MYCBP2: variants seen among roughly 807,000 people sequenced by gnomAD.
MYCBP2 encodes MYC binding protein 2, also known as E3 ubiquitin-protein ligase MYCBP2.
In MYCBP2, 120 loss-of-function variants were observed where a neutral mutation model predicts 525.3. That is an observed-to-expected ratio of 0.23 (90% confidence interval 0.20 to 0.27). MYCBP2 has a LOEUF of 0.27. Among genes scored for constraint, MYCBP2 ranks in the 10% least tolerant of loss-of-function variants. The pLI is 1.00. For missense variants in MYCBP2, 4,149 were observed against 5,657.1 expected, an observed-to-expected ratio of 0.73 and a Z score of 8.55; for synonymous variants, 1,894 against 1,955.8, an observed-to-expected ratio of 0.97 and a Z score of 0.83.
intron 26 of MYCBP2, among the ~76,000 whole-genome samples, chr13:77,197,973 A>T (rs766344949): frequency 4.6e-5 from 7 of 152,212 alleles, no homozygotes; most frequent in Admixed American, 2.6e-4. Flanking sequence ...TATATACTAC[A>T]GTGTTTGAAG....
At chr13:77,301,921 G>A (rs903409467) in intron 1 of MYCBP2, among the ~76,000 whole-genome samples, 1 of 152,114 alleles carries the variant, frequency 6.6e-6, no homozygotes, top group Non-Finnish European at 1.5e-5. Context: ...CTTCTCATAT[G>A]ATTTTAAAAG....
chr13:77,286,995 C>T (rs1227440680), intron 3 of MYCBP2, among the ~76,000 whole-genome samples: 1 of 148,356 alleles, frequency 6.7e-6, no homozygotes, highest in African/African-American at 2.5e-5. Flanking sequence ...CGCCATTCTC[C>T]TGCCTCAGCC....
intron 28 of MYCBP2, 54 bp downstream of exon 28, chr13:77,191,625 T>C: frequency 6.3e-7 from 1 of 1,584,810 alleles, no homozygotes; most frequent in Non-Finnish European, 8.6e-7. Context: ...TTCAAAACAA[T>C]ATTCCTCTAA....
intron 14 of MYCBP2, 137 bp downstream of exon 14, chr13:77,257,534 T>TA (rs1424685893): frequency 3.8e-5 from 34 of 893,636 alleles, no homozygotes; most frequent in African/African-American, 7.0e-5. Flanking sequence ...ATAAAATTTT[T>TA]AAAAAAAATT....
chr13:77,059,638 C>A lies in MYCBP2; in HGVS notation c.13037-12G>T, dbSNP rs2038906513. 6.2e-7 allele frequency: 1 copy of A among 1,602,298 alleles called. No homozygotes were observed. Among genetic ancestry groups the A allele is most frequent in the Non-Finnish European group, 8.5e-7 (1 of 1,169,930 alleles). ...CGTGGTGGGTTTGCCTAGGTTCAAG[C>A]AGAAAAATAAAAATCCTTCTTATGG... On this transcript the variant is annotated splice_polypyrimidine_tract_variant and intron_variant, in intron 76 of 82. Transcript: ENST00000544440.
In MYCBP2 at chr13:77,106,428, T is replaced by C. The variant is rs540867111; in HGVS notation, c.8141-7415A>G. ...GTTCAAAGAATTGTAAACAGGCTATTCAGAAGGACAATATACTGGAAATAC... is the reference window on the plus strand; with the variant it reads ...GTTCAAAGAATTGTAAACAGGCTATCCAGAAGGACAATATACTGGAAATAC... On this transcript the variant is annotated intron_variant, in intron 55 of 82. Transcript: ENST00000544440. Among the ~76,000 whole-genome samples, 4 of 152,262 alleles carry C rather than the reference T, an allele frequency of 2.6e-5. No homozygotes were observed. In the South Asian group the frequency reaches 6.2e-4, roughly 24 times the overall value.
At position 77,098,744 on chromosome 13, in the gene MYCBP2, T is replaced by A; in HGVS notation, c.8410A>T (p.Met2804Leu). The A allele has an allele frequency of 6.2e-7, 1 of 1,613,358 alleles. No individual in the cohort carries two copies. The highest frequency in any genetic ancestry group is 8.5e-7 in the Non-Finnish European group (1 of 1,179,688). Reference sequence around the variant, plus strand: ...GATTCAGCTCTGGAGCTAGAAGGCATCCTCCCATCAGATTTCAATGTCTGC... The same window carrying A: ...GATTCAGCTCTGGAGCTAGAAGGCAACCTCCCATCAGATTTCAATGTCTGC... ...TLQTLKSDGR[M>L]PSSSRAESPG... The change falls in exon 56 of 83, where the codon ATG becomes TTG. Residue 2804 changes from methionine to leucine, a missense_variant. Met to Leu is a conservative substitution (Grantham distance 15, BLOSUM62 2). Coordinates refer to ENST00000544440, the MANE Select transcript of MYCBP2 (RefSeq NM_015057.5).
intron 35 of MYCBP2, among the ~76,000 whole-genome samples, chr13:77,177,337 T>TC (rs911655560): frequency 2.1e-5 from 3 of 145,760 alleles, no homozygotes; most frequent in East Asian, 1.9e-4. Context: ...TTTCTTTCTT[T>TC]TTTTTTTTTT....
intron 44 of MYCBP2, 126 bp from the exon 45 acceptor site, chr13:77,158,235 T>C (rs898633946): frequency 2.9e-5 from 15 of 509,896 alleles, no homozygotes; most frequent in African/African-American, 8.0e-5. Context: ...CGTACCCCAC[T>C]GTTCCTTCTT....
chr13:77,159,754 G>A (rs956350478), intron 44 of MYCBP2, among the ~76,000 whole-genome samples: 1 of 152,098 alleles, frequency 6.6e-6, no homozygotes, highest in African/African-American at 2.4e-5. Context: ...GCCATGTAGG[G>A]AACTGTGAGT....
intron 80 of MYCBP2, among the ~76,000 whole-genome samples, chr13:77,053,560 G>C (rs920611285): frequency 1.1e-4 from 16 of 152,160 alleles, no homozygotes; most frequent in African/African-American, 3.6e-4. Flanking sequence ...GCTTACTCCA[G>C]CTGTTTCACT....
chr13:77,074,012 C>CCT (rs1555308467), intron 68 of MYCBP2, among the ~76,000 whole-genome samples: 1 of 91,690 alleles, frequency 1.1e-5, no homozygotes, highest in African/African-American at 3.2e-5. Context: ...GCCCCCCCCC[C>CCT]TTTTTTTTTT....
rs1416946822 is a variant in MYCBP2, at chr13:77,326,341, T to A, written c.302+133A>T. 1.1e-6 allele frequency: 1 copy of A among 873,266 alleles called. No homozygotes were observed. The highest frequency in any genetic ancestry group is 1.6e-6 in the Non-Finnish European group (1 of 608,374). 54.1% of individuals were successfully genotyped at this position (873,266 alleles called of 1,614,324 possible). A position where few individuals can be genotyped will look rare whatever the true frequency, so the allele number is the denominator to read the frequency against. Reference sequence around the variant, plus strand: ...CGATAAGTGCTCCTGCCAACAGACATCCAGAGCGGACTGAAAGCTCAATAA... The same window carrying A: ...CGATAAGTGCTCCTGCCAACAGACAACCAGAGCGGACTGAAAGCTCAATAA... On this transcript the variant is annotated intron_variant, in intron 1 of 82. Transcript: ENST00000544440. The surrounding 1 kb of genome is among the most constrained non-coding windows in gnomAD (Gnocchi z 4.2).
chr13:77,271,042 T>G (rs1567114799), intron 5 of MYCBP2, among the ~76,000 whole-genome samples: 1 of 151,948 alleles, frequency 6.6e-6, no homozygotes, highest in Non-Finnish European at 1.5e-5. Context: ...GTTCGATTTG[T>G]TTTTTTTCCT....
intron 46 of MYCBP2, among the ~76,000 whole-genome samples, chr13:77,152,562 T>A (rs1173085167): frequency 6.6e-6 from 1 of 152,104 alleles, no homozygotes; most frequent in Non-Finnish European, 1.5e-5. Flanking sequence ...TATGCCCCTA[T>A]AAATCCCAGA....
intron 58 of MYCBP2, 75 bp downstream of exon 58, chr13:77,095,283 G>T: frequency 6.5e-7 from 1 of 1,549,432 alleles, no homozygotes; most frequent in South Asian, 1.2e-5. Context: ...GTCAAATACC[G>T]AACTACCCTA....
At chr13:77,056,937 G>GA in intron 79 of MYCBP2, 49 bp downstream of exon 79, 2 of 1,405,140 alleles carry the variant, frequency 1.4e-6, no homozygotes, top group Non-Finnish European at 2.0e-6. Context: ...AAGGTGAAAA[G>GA]AAAGAACAAA....
chr13:77,239,635 A>G (rs2068514740), intron 17 of MYCBP2, among the ~76,000 whole-genome samples: 2 of 152,174 alleles, frequency 1.3e-5, no homozygotes, highest in African/African-American at 4.8e-5. Context: ...GAACGCTATT[A>G]AAGCACAGTT....
chr13:77,219,684 C>A (rs1163924583), intron 20 of MYCBP2, among the ~76,000 whole-genome samples: 1 of 151,810 alleles, frequency 6.6e-6, no homozygotes, highest in Non-Finnish European at 1.5e-5. Flanking sequence ...GGTTGGTGGG[C>A]TGAATAATTT....
Sources: allele counts gnomAD v4.1 joint callset (sites outside exome capture counted in the v4.1 genomes callset), GRCh38; gene constraint gnomAD v4.1.1; non-coding constraint Gnocchi (gnomAD v3.1); transcripts MANE v1.5; gene names NCBI Gene and HGNC (gene_info 2026-07-23, HGNC 2026-07-21).